ALK: variants seen among roughly 807,000 people sequenced by gnomAD.
ALK encodes ALK tyrosine kinase receptor.
Under a neutral mutation model 163.1 loss-of-function variants are expected in ALK, and 74 were observed. The observed-to-expected ratio is 0.45, with a 90% CI of 0.38 to 0.55. The LOEUF (loss-of-function observed/expected upper bound fraction) is 0.55. ALK is among the 20% of genes least tolerant of loss of function. The probability of loss-of-function intolerance (pLI) is 0.00; values close to 1 mark genes in which losing one functional copy is unlikely to be tolerated. For missense variants in ALK, 2,063 were observed against 2,105.3 expected (o/e 0.98, Z 0.39); for synonymous variants, 960 against 843.2 (o/e 1.14, Z -2.40).
At chr2:29,821,084 T>C (rs1054329729) in intron 1 of ALK, among the ~76,000 whole-genome samples, 1 of 152,146 alleles carries the variant, frequency 6.6e-6, no homozygotes, top group Non-Finnish European at 1.5e-5. Flanking sequence ...GAGGAGGGGA[T>C]CGAGACTACT....
At chr2:29,651,437 G>A (rs941391490) in intron 3 of ALK, among the ~76,000 whole-genome samples, 2 of 152,104 alleles carry the variant, frequency 1.3e-5, no homozygotes, top group East Asian at 1.9e-4. Flanking sequence ...TGTCTTCTGC[G>A]TAGCATCTTT....
At chr2:29,592,298 C>A (rs2148207764) in intron 3 of ALK, among the ~76,000 whole-genome samples, 1 of 152,322 alleles carries the variant, frequency 6.6e-6, no homozygotes, top group African/African-American at 2.4e-5. Context: ...CATTGCCACT[C>A]CGAGGAGCTG....
chr2:29,818,580 A>G (rs1206025070), intron 1 of ALK, among the ~76,000 whole-genome samples: 1 of 152,374 alleles, frequency 6.6e-6, no homozygotes, highest in South Asian at 2.1e-4. Flanking sequence ...CCCCCAAAGC[A>G]AGGCAGCCTG....
At chr2:29,534,776 C>A (rs1476746291) in intron 3 of ALK, among the ~76,000 whole-genome samples, 1 of 152,220 alleles carries the variant, frequency 6.6e-6, no homozygotes, top group Non-Finnish European at 1.5e-5. Context: ...CCTCTCCACC[C>A]TTGGGTGTGG....
At chr2:29,791,007 T>C (rs895344228) in intron 1 of ALK, among the ~76,000 whole-genome samples, 3 of 152,324 alleles carry the variant, frequency 2.0e-5, no homozygotes, top group Admixed American at 1.3e-4. Flanking sequence ...CCTCTTACAG[T>C]CTCTGTGACC....
chr2:29,236,017 ATTT>A (rs771017409), intron 13 of ALK, among the ~76,000 whole-genome samples: 6 of 126,202 alleles, frequency 4.8e-5, no homozygotes, highest in African/African-American at 1.5e-4. Flanking sequence ...TAATTTTTGT[ATTT>A]TTTTTTTTTT....
intron 1 of ALK, among the ~76,000 whole-genome samples, chr2:29,755,291 G>A (rs1439943152): frequency 6.6e-6 from 1 of 152,242 alleles, no homozygotes; most frequent in Non-Finnish European, 1.5e-5. Flanking sequence ...CCCTGTGTGA[G>A]GGCCTGTGCT....
At chr2:29,408,636 T>C (rs1237567539) in intron 4 of ALK, among the ~76,000 whole-genome samples, 1 of 152,268 alleles carries the variant, frequency 6.6e-6, no homozygotes, top group African/African-American at 2.4e-5. Context: ...AGTACTCTGA[T>C]TTGAGAAATA....
At chr2:29,892,661 C>G (rs6749082) in intron 1 of ALK, among the ~76,000 whole-genome samples, 114,559 of 152,094 alleles carry the variant, frequency 0.75, 43,232 homozygotes, top group East Asian at 0.8. Context: ...TCACATGATT[C>G]GTAAGTGGCA....
intron 1 of ALK, among the ~76,000 whole-genome samples, chr2:29,876,621 G>A (rs1237365027): frequency 6.6e-6 from 1 of 151,674 alleles, no homozygotes; most frequent in African/African-American, 2.4e-5. Flanking sequence ...TAATGCTGAT[G>A]GTGGTGATGG....
intron 4 of ALK, among the ~76,000 whole-genome samples, chr2:29,449,810 T>C (rs1212885353): frequency 1.3e-5 from 2 of 152,188 alleles, no homozygotes; most frequent in African/African-American, 4.8e-5. Context: ...TGTGACATAA[T>C]TGGAGAAAGG....
At chr2:29,457,329 G>T (rs1351858055) in intron 4 of ALK, among the ~76,000 whole-genome samples, 2 of 152,134 alleles carry the variant, frequency 1.3e-5, no homozygotes. Flanking sequence ...CAGAAATAAG[G>T]TGAAGAAGTA....
rs76578694 is a variant in ALK at position 29,512,007 on chromosome 2, T to C, written c.1154+19908A>G. Reference sequence around the variant, plus strand: ...ATATTTTCTCCCACACTGTGGCTTGTATTTTGATTTTTCAAATGGAATCTT... The same window carrying C: ...ATATTTTCTCCCACACTGTGGCTTGCATTTTGATTTTTCAAATGGAATCTT... On this transcript the variant is annotated intron_variant, in intron 4 of 28. Coordinates refer to ENST00000389048, the MANE Select transcript of ALK (RefSeq NM_004304.5). Among the ~76,000 whole-genome samples, 999 of 148,002 alleles carry C rather than the reference T, an allele frequency of 6.7e-3. 9 individuals carry two copies. The highest frequency in any genetic ancestry group is 0.022 in the African/African-American group (902 of 40,358).
intron 3 of ALK, among the ~76,000 whole-genome samples, chr2:29,677,961 CT>C (rs1288801772): frequency 6.6e-6 from 1 of 151,968 alleles, no homozygotes; most frequent in African/African-American, 2.4e-5. Context: ...CAAGTCTTTA[CT>C]TGTTATAAGT....
chr2:29,513,088 A>G (rs1218574883), intron 4 of ALK, among the ~76,000 whole-genome samples: 1 of 151,654 alleles, frequency 6.6e-6, no homozygotes, highest in Non-Finnish European at 1.5e-5. Flanking sequence ...GGTAATTTAT[A>G]GATTCAATGC....
intron 8 of ALK, among the ~76,000 whole-genome samples, chr2:29,311,817 A>T (rs913087198): frequency 2.0e-5 from 3 of 152,126 alleles, no homozygotes; most frequent in African/African-American, 7.2e-5. Flanking sequence ...ATGTGGGGGA[A>T]GGCCCCTCTG....
At chr2:29,729,077 C>A (rs1173525217) in intron 1 of ALK, among the ~76,000 whole-genome samples, 1 of 152,230 alleles carries the variant, frequency 6.6e-6, no homozygotes, top group Non-Finnish European at 1.5e-5. Context: ...TGTTGGCCAA[C>A]TTTCCTGCAG....
chr2:29,310,848 G>A (rs915809317), intron 8 of ALK, among the ~76,000 whole-genome samples: 6 of 152,170 alleles, frequency 3.9e-5, no homozygotes, highest in African/African-American at 1.4e-4. Flanking sequence ...CGTGGGAGGT[G>A]GAGAGACTCT....
At chr2:29,232,237 A>G (rs998588616) in intron 15 of ALK, 67 bp downstream of exon 15, 1 of 1,605,778 alleles carries the variant, frequency 6.2e-7, no homozygotes, top group South Asian at 1.1e-5. Context: ...CAGGCATGCG[A>G]TGGCATCGGG....
Sources: allele counts gnomAD v4.1 joint callset (sites outside exome capture counted in the v4.1 genomes callset), GRCh38; gene constraint gnomAD v4.1.1; transcripts MANE v1.5; gene names NCBI Gene and HGNC (gene_info 2026-07-23, HGNC 2026-07-21).